TRPM3: variants seen among roughly 807,000 people sequenced by gnomAD.
The protein encoded by TRPM3 is transient receptor potential cation channel subfamily M member 3.
A neutral mutation model predicts 181.2 loss-of-function variants in TRPM3; 77 were observed. The observed-to-expected ratio is 0.42, with a 90% confidence interval of 0.35 to 0.51. The LOEUF (loss-of-function observed/expected upper bound fraction) is 0.51, where lower values mean the gene tolerates loss of function less well. Ranked by LOEUF, TRPM3 falls within the 20% of genes least tolerant of loss-of-function variation. The pLI is 0.01. For synonymous variants in TRPM3, 745 were observed against 796.4 expected, an observed-to-expected ratio of 0.94 and a Z score of 1.09; for missense variants, 1,759 against 2,196.7, an observed-to-expected ratio of 0.80 and a Z score of 3.98.
intron 1 of TRPM3, among the ~76,000 whole-genome samples, chr9:71,283,549 C>G (rs879413490): frequency 6.6e-6 from 1 of 152,154 alleles, no homozygotes; most frequent in African/African-American, 2.4e-5. Flanking sequence ...CGTGATCCCC[C>G]GCCTTGGCCT....
chr9:70,741,865 A>G (rs1464476595), intron 8 of TRPM3, among the ~76,000 whole-genome samples: 1 of 152,110 alleles, frequency 6.6e-6, no homozygotes, highest in Non-Finnish European at 1.5e-5. Flanking sequence ...TATACATTGG[A>G]TACAGTGTAC....
chr9:70,811,237 C>T, intron 6 of TRPM3: 3 of 1,609,366 alleles, frequency 1.9e-6, no homozygotes, highest in Non-Finnish European at 1.7e-6. Context: ...AGAAAAACGG[C>T]AGGCATCCTG....
intron 5 of TRPM3, among the ~76,000 whole-genome samples, chr9:70,831,818 TA>T (rs1162791523): frequency 6.6e-6 from 1 of 151,320 alleles, no homozygotes; most frequent in Non-Finnish European, 1.5e-5. Flanking sequence ...ATAACTTAAT[TA>T]AATATTTTAA....
intron 1 of TRPM3, among the ~76,000 whole-genome samples, chr9:71,031,315 T>C (rs979202364): frequency 7.9e-5 from 12 of 152,222 alleles, no homozygotes; most frequent in Non-Finnish European, 1.2e-4. Context: ...TAGATTGCTA[T>C]AGTAGTAAGA....
intron 6 of TRPM3, among the ~76,000 whole-genome samples, chr9:70,801,215 G>C (rs2088902438): frequency 6.6e-6 from 1 of 152,118 alleles, no homozygotes; most frequent in African/African-American, 2.4e-5. Context: ...ACTGGTTTCT[G>C]GTAGCTTTTA....
chr9:71,362,713 T>C (rs2092200475), intron 1 of TRPM3, among the ~76,000 whole-genome samples: 1 of 152,354 alleles, frequency 6.6e-6, no homozygotes, highest in African/African-American at 2.4e-5. Context: ...TAACTTGTAA[T>C]TAAATACATT....
At chr9:70,950,122 T>G (rs939616943) in intron 1 of TRPM3, among the ~76,000 whole-genome samples, 1 of 152,206 alleles carries the variant, frequency 6.6e-6, no homozygotes, top group Admixed American at 6.5e-5. Context: ...ATTGAGATGG[T>G]AAAGTCTGTA....
chr9:70,826,520 G>A (rs1415997047), intron 6 of TRPM3: 1 of 152,162 alleles, frequency 6.6e-6, no homozygotes, highest in Non-Finnish European at 1.5e-5. Context: ...CATGAAACAT[G>A]ACACTTAAAC....
At chr9:70,621,803 A>G (rs1343176433) in intron 14 of TRPM3, among the ~76,000 whole-genome samples, 1 of 152,220 alleles carries the variant, frequency 6.6e-6, no homozygotes, top group Non-Finnish European at 1.5e-5. Flanking sequence ...GGATTCGGTG[A>G]TTTTAATGAA....
At chr9:71,022,864 C>T (rs934013082) in intron 1 of TRPM3, among the ~76,000 whole-genome samples, 3 of 151,808 alleles carry the variant, frequency 2.0e-5, no homozygotes, top group Non-Finnish European at 4.4e-5. Context: ...AAATGGATTA[C>T]AGATATATAT....
chr9:70,764,718 G>A (rs1387722706), intron 7 of TRPM3, among the ~76,000 whole-genome samples: 1 of 152,124 alleles, frequency 6.6e-6, no homozygotes, highest in Non-Finnish European at 1.5e-5. Context: ...CCTATTACAG[G>A]TGGAACAAAG....
chr9:70,947,491 T>G (rs116819226), intron 1 of TRPM3, among the ~76,000 whole-genome samples: 4,559 of 152,308 alleles, frequency 0.03, 99 homozygotes, highest in Middle Eastern at 0.048. Flanking sequence ...TTTTTTTCCT[T>G]TTGGAATTTA....
At chr9:70,663,321 C>T (rs538383543) in intron 9 of TRPM3, among the ~76,000 whole-genome samples, 1 of 152,072 alleles carries the variant, frequency 6.6e-6, no homozygotes, top group Non-Finnish European at 1.5e-5. Context: ...GCATTAAAAT[C>T]TCAGAAATCA....
At chr9:70,800,746 T>G (rs577921902) in intron 6 of TRPM3, among the ~76,000 whole-genome samples, 1 of 152,202 alleles carries the variant, frequency 6.6e-6, no homozygotes, top group Non-Finnish European at 1.5e-5. Context: ...ATACAAAATA[T>G]GTGTTAATTG....
chr9:71,256,570 G>C (rs1193556990), intron 1 of TRPM3, among the ~76,000 whole-genome samples: 1 of 152,136 alleles, frequency 6.6e-6, no homozygotes, highest in African/African-American at 2.4e-5. Context: ...GCTTTAAAAA[G>C]GTGATATTTG....
chr9:70,969,902 T>C (rs182186466), intron 1 of TRPM3, among the ~76,000 whole-genome samples: 1 of 151,980 alleles, frequency 6.6e-6, no homozygotes, highest in East Asian at 1.9e-4. Flanking sequence ...TCCCAGGTCA[T>C]ACAGTCAGTA....
intron 1 of TRPM3, among the ~76,000 whole-genome samples, chr9:71,410,975 CAT>C (rs2093536854): frequency 6.6e-6 from 1 of 152,180 alleles, no homozygotes; most frequent in African/African-American, 2.4e-5. Flanking sequence ...CGTAATCCAT[CAT>C]ATAAACAGAA....
At chr9:71,443,109 A>C (rs1176799842) in intron 1 of TRPM3, among the ~76,000 whole-genome samples, 1 of 152,246 alleles carries the variant, frequency 6.6e-6, no homozygotes, top group Non-Finnish European at 1.5e-5. Context: ...AAAACAGTTT[A>C]GATTTGAAAA....
intron 19 of TRPM3, among the ~76,000 whole-genome samples, chr9:70,603,732 C>T (rs1305276242): frequency 1.3e-5 from 2 of 152,194 alleles, no homozygotes; most frequent in South Asian, 4.1e-4. Flanking sequence ...TGTCATGATG[C>T]ATCATTTCGC....
Sources: gnomAD v4.1 joint callset for allele counts (sites outside exome capture counted in the v4.1 genomes callset) on GRCh38, gnomAD v4.1.1 for gene constraint, MANE v1.5 for transcripts, NCBI Gene and HGNC (gene_info 2026-07-23, HGNC 2026-07-21) for gene names.